The following INO80 variants were observed in gnomAD, a reference collection of about 807,000 sequenced individuals.
INO80 encodes the protein INO80 complex ATPase subunit.
Under a neutral mutation model 203.4 loss-of-function variants are expected in INO80, and 20 were observed. That is an observed-to-expected ratio of 0.10 (90% confidence interval 0.07 to 0.14). INO80 has a LOEUF of 0.14. INO80 is among the 10% of genes least tolerant of loss of function. The pLI, the probability that INO80 is intolerant of heterozygous loss-of-function variation, is 1.00. For missense variants in INO80, 1,419 were observed against 1,914.4 expected, an observed-to-expected ratio of 0.74 and a Z score of 4.83; for synonymous variants, 726 against 685.2, an observed-to-expected ratio of 1.06 and a Z score of -0.93.
At chr15:40,997,471 T>C (rs1031687729) in intron 29 of INO80, 58 bp downstream of exon 29, 20 of 1,101,572 alleles carry the variant, frequency 1.8e-5, no homozygotes, top group East Asian at 2.4e-5. Context: ...AAAACCTACA[T>C]AGTAGGTTTC....
intron 26 of INO80, 107 bp from the exon 27 acceptor site, chr15:41,016,322 T>G: frequency 9.1e-7 from 1 of 1,094,394 alleles, no homozygotes. Context: ...AAGATGCTTG[T>G]CATCATGAGA....
At chr15:41,039,023 G>A (rs2044626843) in intron 24 of INO80, among the ~76,000 whole-genome samples, 2 of 152,200 alleles carry the variant, frequency 1.3e-5, no homozygotes, top group Admixed American at 1.3e-4. Flanking sequence ...GCATAGGGTG[G>A]CATTCAAAGA....
In INO80 at chr15:40,983,906, C is replaced by T; in HGVS notation, c.4093G>A (p.Glu1365Lys). ...SPFSEISISS[E>K]LHTGSIPLDE... ...AGGGGAATGGAGCCAGTGTGCAGCTCACTGCTGATGGAGATCTAGAAGAGG... is the reference window on the plus strand; with the variant it reads ...AGGGGAATGGAGCCAGTGTGCAGCTTACTGCTGATGGAGATCTAGAAGAGG... The change falls in exon 34 of 36, where the codon GAG becomes AAG. Residue 1365 changes from glutamate (E) to lysine (K), a missense_variant. This residue lies in a region of INO80 where 214 missense variants were observed against 248.9 expected (regional missense o/e 0.86). Transcript: ENST00000648947. The T allele has an allele frequency of 6.2e-7, 1 of 1,613,678 alleles. No individual in the cohort carries two copies. The highest frequency in any genetic ancestry group is 8.5e-7 in the Non-Finnish European group (1 of 1,180,026).
chr15:41,058,572 T>TGTGTGTGTGTGC (rs1381127034), intron 16 of INO80, 67 bp downstream of exon 16: 10 of 167,060 alleles, frequency 6.0e-5, no homozygotes, highest in African/African-American at 5.5e-4. Flanking sequence ...TGTGTGTGCG[T>TGTGTGTGTGTGC]GTGTGTGTGT....
At chr15:40,998,795 G>A (rs1023405806) in intron 28 of INO80, among the ~76,000 whole-genome samples, 16 of 151,870 alleles carry the variant, frequency 1.1e-4, no homozygotes, top group Admixed American at 3.9e-4. Flanking sequence ...CTGGGATTAC[G>A]GGATTACAGG....
chr15:41,086,568 G>A (rs190368458), intron 6 of INO80, among the ~76,000 whole-genome samples: 32 of 151,224 alleles, frequency 2.1e-4, no homozygotes, highest in African/African-American at 7.8e-4. Flanking sequence ...TGAGAATTGC[G>A]TGAACTCAGG....
chr15:41,028,033 T>C (rs1013316882), intron 24 of INO80: 1 of 208,012 alleles, frequency 4.8e-6, no homozygotes, highest in Non-Finnish European at 9.7e-6. Flanking sequence ...ATTAGACAAA[T>C]CACTTGTATG....
intron 7 of INO80, among the ~76,000 whole-genome samples, chr15:41,083,701 A>G (rs1025501281): frequency 4.2e-5 from 6 of 142,548 alleles, no homozygotes; most frequent in Non-Finnish European, 9.1e-5. Context: ...GCAAGAGACG[A>G]GACTCCGTCT....
chr15:41,069,107 GC>G (rs1306209361), intron 14 of INO80, among the ~76,000 whole-genome samples: 1 of 152,102 alleles, frequency 6.6e-6, no homozygotes, highest in African/African-American at 2.4e-5. Context: ...GTGATTATAT[GC>G]AAGTTATTTT....
chr15:41,047,624 G>C, intron 22 of INO80, 123 bp from the exon 23 acceptor site: 1 of 659,278 alleles, frequency 1.5e-6, no homozygotes, highest in Non-Finnish European at 2.6e-6. Context: ...TTCTGATCTA[G>C]CCACTTTGGT....
intron 9 of INO80, among the ~76,000 whole-genome samples, chr15:41,077,001 C>T (rs921962088): frequency 7.2e-5 from 11 of 152,008 alleles, no homozygotes; most frequent in South Asian, 2.1e-4. Context: ...TCCATCTCCC[C>T]GGTTCAAGCG....
intron 10 of INO80, among the ~76,000 whole-genome samples, 183 bp from the exon 11 acceptor site, chr15:41,073,678 A>C (rs2045358539): frequency 6.6e-6 from 1 of 152,174 alleles, no homozygotes; most frequent in Admixed American, 6.6e-5. Context: ...ATGGAGGTGG[A>C]GGACTGCCAT....
At chr15:41,075,095 T>C (rs903520071) in intron 9 of INO80, among the ~76,000 whole-genome samples, 3 of 152,216 alleles carry the variant, frequency 2.0e-5, no homozygotes, top group Non-Finnish European at 2.9e-5. Context: ...TCCTTTATAC[T>C]GTGAATCTTT....
rs763280803 is a variant in INO80 at position 41,087,543 on chromosome 15, G to A, written c.658+19C>T. On this transcript the variant is annotated intron_variant, in intron 6 of 35. Coordinates refer to ENST00000648947, the MANE Select transcript of INO80 (RefSeq NM_017553.3). ...AAACTAAGAATGAATATACGTGGAA[G>A]GCAGTTCAACATGCTCACCTTTAAG... 6.2e-7 allele frequency: 1 copy of A among 1,612,848 alleles called. No homozygotes were observed. The highest frequency in any genetic ancestry group is 8.5e-7 in the Non-Finnish European group (1 of 1,179,600).
At chr15:41,028,605 G>GT (rs1596272037) in intron 24 of INO80, among the ~76,000 whole-genome samples, 1 of 151,930 alleles carries the variant, frequency 6.6e-6, no homozygotes, top group East Asian at 1.9e-4. Flanking sequence ...TATCAAAAAT[G>GT]TATTTTAGGC....
chr15:41,068,066 A>C (rs2045251035), intron 14 of INO80, among the ~76,000 whole-genome samples: 1 of 152,218 alleles, frequency 6.6e-6, no homozygotes, highest in African/African-American at 2.4e-5. Context: ...ATCGATGTTC[A>C]CATTATCTAC....
intron 24 of INO80, among the ~76,000 whole-genome samples, chr15:41,043,570 A>G (rs1332344201): frequency 2.0e-5 from 3 of 152,256 alleles, no homozygotes; most frequent in Non-Finnish European, 4.4e-5. Flanking sequence ...TTTTCAGTGT[A>G]CAGGGGGCAA....
At chr15:41,068,847 G>A (rs1003428044) in intron 14 of INO80, among the ~76,000 whole-genome samples, 1 of 151,972 alleles carries the variant, frequency 6.6e-6, no homozygotes, top group African/African-American at 2.4e-5. Flanking sequence ...GCGACAGAGT[G>A]AGACTCCATC....
chr15:41,102,702 T>A (rs1185264900), intron 1 of INO80, among the ~76,000 whole-genome samples: 1 of 152,118 alleles, frequency 6.6e-6, no homozygotes, highest in East Asian at 1.9e-4. Flanking sequence ...ATAAAATATT[T>A]GTAATAAAAA....
Sources: allele counts gnomAD v4.1 joint callset (sites outside exome capture counted in the v4.1 genomes callset), GRCh38; gene constraint gnomAD v4.1.1; regional missense constraint gnomAD v4.1.1; transcripts MANE v1.5; gene names NCBI Gene and HGNC (gene_info 2026-07-23, HGNC 2026-07-21).